The following PRICKLE2 variants were observed in gnomAD, a reference collection of about 807,000 sequenced individuals.
The protein encoded by PRICKLE2 is prickle planar cell polarity protein 2.
In PRICKLE2, 21 loss-of-function variants were observed where a neutral mutation model predicts 81.4. The observed-to-expected ratio is 0.26, with a 90% CI of 0.18 to 0.37. The LOEUF (loss-of-function observed/expected upper bound fraction) is 0.37, where lower values mean the gene tolerates loss of function less well. PRICKLE2 is among the 10% of genes least tolerant of loss of function. The probability of loss-of-function intolerance (pLI) is 1.00; values close to 1 mark genes in which losing one functional copy is unlikely to be tolerated. For missense variants in PRICKLE2, 940 were observed against 1,109.0 expected, an observed-to-expected ratio of 0.85 and a Z score of 2.16; for synonymous variants, 456 against 421.5, an observed-to-expected ratio of 1.08 and a Z score of -1.00.
intron 1 of PRICKLE2, among the ~76,000 whole-genome samples, chr3:64,204,622 G>C (rs987511429): frequency 1.3e-5 from 2 of 149,556 alleles, no homozygotes; most frequent in Non-Finnish European, 1.5e-5. Flanking sequence ...AACCAAGGAG[G>C]GGGGAAGAAA....
chr3:64,263,442 A>C (rs2079645656), intron 2 of PRICKLE2, among the ~76,000 whole-genome samples: 1 of 152,190 alleles, frequency 6.6e-6, no homozygotes, highest in Non-Finnish European at 1.5e-5. Flanking sequence ...AGGTCAGGCC[A>C]AGGGAGAATC....
At chr3:64,154,522 G>T (rs1179808862) in intron 5 of PRICKLE2, 1 of 152,256 alleles carries the variant, frequency 6.6e-6, no homozygotes, top group African/African-American at 2.4e-5. Context: ...CTCTAGCCTG[G>T]GTGACAGGGT....
At chr3:64,263,099 G>A (rs746345598) in intron 2 of PRICKLE2, among the ~76,000 whole-genome samples, 5 of 152,162 alleles carry the variant, frequency 3.3e-5, no homozygotes, top group Admixed American at 6.5e-5. Context: ...GTAAAACATC[G>A]TATGTTCCAC....
At chr3:64,105,210 A>C (rs2076735918) in intron 7 of PRICKLE2, among the ~76,000 whole-genome samples, 2 of 152,032 alleles carry the variant, frequency 1.3e-5, no homozygotes, top group Non-Finnish European at 2.9e-5. Context: ...GTCATTTCTG[A>C]ACACTCCTTC....
chr3:64,173,791 T>A (rs1333989423), intron 2 of PRICKLE2, among the ~76,000 whole-genome samples: 1 of 152,272 alleles, frequency 6.6e-6, no homozygotes, highest in African/African-American at 2.4e-5. Flanking sequence ...CTATCTCAGC[T>A]GACACATACT....
chr3:64,220,739 T>C (rs1265833029), intron 1 of PRICKLE2, among the ~76,000 whole-genome samples: 1 of 152,100 alleles, frequency 6.6e-6, no homozygotes, highest in Non-Finnish European at 1.5e-5. Context: ...ACCAGCGACA[T>C]CTCTGGATTC....
At chr3:64,179,461 T>C (rs1294830622) in intron 2 of PRICKLE2, among the ~76,000 whole-genome samples, 1 of 152,152 alleles carries the variant, frequency 6.6e-6, no homozygotes, top group Non-Finnish European at 1.5e-5. Context: ...CTTGGGGCTA[T>C]TTTAAACAGT....
At chr3:64,151,090 T>C (rs1293326181) in intron 6 of PRICKLE2, among the ~76,000 whole-genome samples, 1 of 152,220 alleles carries the variant, frequency 6.6e-6, no homozygotes, top group Non-Finnish European at 1.5e-5. Context: ...AAAAGTACCG[T>C]TGCCCTAGCA....
Position 64,099,351 on chromosome 3 carries a change from G to A in PRICKLE2, c.2235C>T (p.Tyr745=), listed in dbSNP as rs532567960. ...CCGACACAGTCCTAGGGCACTGGCC[G>A]TACAGGTCCCTCCGGGACCCATGCC... ...SMGHGSRRDL[Y]GQCPRTVSDL... is the part of the protein sequence containing the mutation. Residue 745 remains tyrosine (Y), a synonymous_variant, in exon 8 of 8, where the codon TAC becomes TAT. Coordinates refer to ENST00000638394, the MANE Select transcript of PRICKLE2 (RefSeq NM_198859.4). The surrounding 1 kb of genome is among the most constrained non-coding windows in gnomAD (Gnocchi z 4.3). The A allele has an allele frequency of 9.5e-5, 153 of 1,614,098 alleles. No individual in the cohort carries two copies. Among genetic ancestry groups the A allele is most frequent in the Non-Finnish European group, 1.2e-4 (145 of 1,179,930 alleles).
chr3:64,186,692 G>A (rs560360248), intron 2 of PRICKLE2, among the ~76,000 whole-genome samples: 2 of 152,148 alleles, frequency 1.3e-5, no homozygotes, highest in Non-Finnish European at 2.9e-5. Flanking sequence ...ACTGTTGAAC[G>A]AATAAATGGC....
intron 1 of PRICKLE2, among the ~76,000 whole-genome samples, chr3:64,212,529 C>A (rs1482708305): frequency 6.6e-6 from 1 of 152,200 alleles, no homozygotes. Flanking sequence ...TGCTGAAGTA[C>A]TTGTTTAGTC....
intron 2 of PRICKLE2, among the ~76,000 whole-genome samples, chr3:64,179,615 T>C (rs1248394494): frequency 3.9e-5 from 6 of 152,288 alleles, no homozygotes; most frequent in African/African-American, 1.4e-4. Context: ...AATTCAAATT[T>C]TTTATCCCTC....
chr3:64,229,059 T>C (rs1391966479), upstream of PRICKLE2, among the ~76,000 whole-genome samples: 1 of 152,056 alleles, frequency 6.6e-6, no homozygotes, highest in Non-Finnish European at 1.5e-5. Context: ...GCTGCAAAAA[T>C]TTGACCTTAG....
At chr3:64,239,315 T>G (rs2079227775) in intron 2 of PRICKLE2, among the ~76,000 whole-genome samples, 1 of 152,124 alleles carries the variant, frequency 6.6e-6, no homozygotes, top group African/African-American at 2.4e-5. Flanking sequence ...GAAGGGCTGT[T>G]AGGAGCGTGG....
chr3:64,121,446 T>C (rs1387304849), intron 7 of PRICKLE2, among the ~76,000 whole-genome samples: 1 of 152,140 alleles, frequency 6.6e-6, no homozygotes, highest in Non-Finnish European at 1.5e-5. Flanking sequence ...TTACCAACAT[T>C]GATTCCTGTT....
intron 1 of PRICKLE2, 57 bp from the exon 2 acceptor site, chr3:64,199,024 A>G (rs2078517435): frequency 8.6e-6 from 13 of 1,504,260 alleles, no homozygotes; most frequent in South Asian, 1.2e-5. Flanking sequence ...TTTTTTTCCA[A>G]GAGCCTGCCA....
chr3:64,181,328 A>T (rs1207175421), intron 2 of PRICKLE2, among the ~76,000 whole-genome samples: 3 of 152,122 alleles, frequency 2.0e-5, no homozygotes, highest in African/African-American at 7.2e-5. Context: ...GACCCAAAAA[A>T]GCAGTTCTGG....
At chr3:64,241,598 A>G (rs929334405) in intron 2 of PRICKLE2, among the ~76,000 whole-genome samples, 2 of 152,174 alleles carry the variant, frequency 1.3e-5, no homozygotes, top group African/African-American at 2.4e-5. Flanking sequence ...CAATACCACC[A>G]TGGTATGAAG....
intron 2 of PRICKLE2, among the ~76,000 whole-genome samples, chr3:64,177,049 C>A (rs1018245921): frequency 2.0e-5 from 3 of 148,148 alleles, no homozygotes; most frequent in African/African-American, 7.5e-5. Context: ...CAAAATATCA[C>A]TAGTTTTGTA....
Sources: allele counts gnomAD v4.1 joint callset (sites outside exome capture counted in the v4.1 genomes callset), GRCh38; gene constraint gnomAD v4.1.1; non-coding constraint Gnocchi (gnomAD v3.1); transcripts MANE v1.5; gene names NCBI Gene and HGNC (gene_info 2026-07-23, HGNC 2026-07-21).